The following MPPE1 variants were observed in gnomAD, a reference collection of about 807,000 sequenced individuals.
MPPE1 encodes metallophosphoesterase 1.
MPPE1 carries 28 observed loss-of-function variants against 43.8 expected under a neutral mutation model. The ratio of observed to expected loss-of-function variants is 0.64; its 90% CI spans 0.47 to 0.88. The LOEUF is 0.88. Ranked by LOEUF, MPPE1 falls within the 40% of genes least tolerant of loss-of-function variation. The probability of loss-of-function intolerance (pLI) is 0.00; values close to 1 mark genes in which losing one functional copy is unlikely to be tolerated. For missense variants in MPPE1, 428 were observed against 492.2 expected (o/e 0.87, Z 1.23); for synonymous variants, 159 against 188.5 (o/e 0.84, Z 1.28).
rs1034026178 is a variant in MPPE1, at chr18:11,889,500, A to G, written c.391-10T>C. Reference sequence around the variant, plus strand: ...CATCATCCGCCCAGGCCTGAGGGAAAAAGAATCACTGCTGAGAGCCAGAGA... The same window carrying G: ...CATCATCCGCCCAGGCCTGAGGGAAGAAGAATCACTGCTGAGAGCCAGAGA... On this transcript the variant is annotated splice_polypyrimidine_tract_variant and intron_variant, in intron 4 of 10. Coordinates refer to ENST00000588072, the MANE Select transcript of MPPE1 (RefSeq NM_023075.6). 16 of 1,599,596 alleles carry G rather than the reference A, an allele frequency of 1.0e-5. No homozygotes were observed. The highest frequency in any genetic ancestry group is 6.7e-5 in the East Asian group (3 of 44,602).
chr18:11,901,918 G>A (rs994939888), intron 2 of MPPE1, among the ~76,000 whole-genome samples: 1 of 152,298 alleles, frequency 6.6e-6, no homozygotes. Context: ...GTCAAAAGCA[G>A]CCTTGCATAT....
At chr18:11,903,394 CA>C (rs1475091255) in intron 2 of MPPE1, among the ~76,000 whole-genome samples, 2 of 152,098 alleles carry the variant, frequency 1.3e-5, no homozygotes, top group Non-Finnish European at 2.9e-5. Context: ...GCTCACCTCC[CA>C]AGCTTAAGAA....
At chr18:11,903,756 A>G (rs1265260681) in intron 2 of MPPE1, among the ~76,000 whole-genome samples, 2 of 152,212 alleles carry the variant, frequency 1.3e-5, no homozygotes, top group Non-Finnish European at 2.9e-5. Context: ...CAGTGAACCG[A>G]GATCGCGCCA....
chr18:11,885,762 AG>A lies in MPPE1; in HGVS notation c.921del (p.Cys308AlafsTer51). The stretch of plus-strand genomic sequence containing the variant: ...ACTCGGCCCCCGTGGTGCACCTCGC[AG>A]GCGCTGTGCGTGTGGCCACTGAGAA... ...RLVLSGHTHS[A>X]CEVHHGGRVP... is the part of the protein sequence containing the mutation. On this transcript the variant is annotated frameshift_variant, in exon 10 of 11. Transcript: ENST00000588072. LOFTEE classifies it high-confidence loss of function. 1 of 1,613,864 alleles carries A rather than the reference AG, an allele frequency of 6.2e-7. No individual in the cohort carries two copies. Among genetic ancestry groups the A allele is most frequent in the South Asian group, 1.1e-5 (1 of 91,066 alleles).
rs754090349 is a variant in MPPE1 at position 11,885,747 on chromosome 18, C to CG, written c.936dup (p.Gly313ArgfsTer26). Reference sequence around the variant, plus strand: ...ACGCTGAGCTCGGGGACTCGGCCCCCGTGGTGCACCTCGCAGGCGCTGTGC... The same window carrying CG: ...ACGCTGAGCTCGGGGACTCGGCCCCCGGTGGTGCACCTCGCAGGCGCTGTGC... On this transcript the variant is annotated frameshift_variant, in exon 10 of 11. Coordinates refer to ENST00000588072, the MANE Select transcript of MPPE1 (RefSeq NM_023075.6). LOFTEE classifies it high-confidence loss of function. The CG allele has an allele frequency of 7.9e-5, 128 of 1,613,958 alleles. No homozygotes were observed. Among genetic ancestry groups the CG allele is most frequent in the Admixed American group, 5.8e-4 (35 of 59,998 alleles).
chr18:11,889,237 C>A, intron 5 of MPPE1, 150 bp downstream of exon 5: 1 of 541,614 alleles, frequency 1.8e-6, no homozygotes, highest in Non-Finnish European at 3.3e-6. Flanking sequence ...AGTAAAAACC[C>A]CTTAAAGAGT....
rs1158066652 is a variant in MPPE1 at position 11,886,273 on chromosome 18, T to G, written c.867+226A>C. On this transcript the variant is annotated intron_variant, in intron 9 of 10. Coordinates refer to ENST00000588072, the MANE Select transcript of MPPE1 (RefSeq NM_023075.6). The surrounding 1 kb of genome is among the most constrained non-coding windows in gnomAD (Gnocchi z 4.1). Reference sequence around the variant, plus strand: ...AAGAATAGCTGAGACTATTACTGACTTGAGGGTAGGAAACAGAAGTAGGTT... The same window carrying G: ...AAGAATAGCTGAGACTATTACTGACGTGAGGGTAGGAAACAGAAGTAGGTT... 3.5e-6 allele frequency: 2 copies of G among 571,296 alleles called. No individual in the cohort carries two copies. The highest frequency in any genetic ancestry group is 6.3e-5 in the East Asian group (2 of 31,988). The allele number at this position is 571,296 out of a possible 1,614,324, so 35.4% of individuals were successfully genotyped here.
Position 11,886,353 on chromosome 18 carries a change from G to T in MPPE1, c.867+146C>A. 9.1e-7 allele frequency: 1 copy of T among 1,100,718 alleles called. No individual in the cohort carries two copies. Among genetic ancestry groups the T allele is most frequent in the Non-Finnish European group, 1.3e-6 (1 of 751,170 alleles). 68.2% of individuals were successfully genotyped at this position (1,100,718 alleles called of 1,614,324 possible). A position where few individuals can be genotyped will look rare whatever the true frequency, so the allele number is the denominator to read the frequency against. ...AAATCTGAGATACTGTGAAAGCCAG[G>T]CCTCCACCCCTGTCCCCCCAGGTGA... On this transcript the variant is annotated intron_variant, in intron 9 of 10. Transcript: ENST00000588072. This position sits in a 1 kb window ranked among gnomAD's most constrained non-coding sequence, Gnocchi z 4.1.
Position 11,883,371 on chromosome 18 carries a change from T to C in MPPE1, c.*1074A>G, listed in dbSNP as rs2036766004. 1 of 153,284 alleles carries C rather than the reference T, an allele frequency of 6.5e-6. No homozygotes were observed. The allele number at this position is 153,284 out of a possible 1,614,324, so 9.5% of individuals were successfully genotyped here. On this transcript the variant is annotated 3_prime_UTR_variant, in exon 11 of 11. Transcript: ENST00000588072. ...CAAGAAAGGGAAGTATGCTGTTGTATGCATCATTACTCAACAATTACCCTC... is the reference window on the plus strand; with the variant it reads ...CAAGAAAGGGAAGTATGCTGTTGTACGCATCATTACTCAACAATTACCCTC...
At position 11,897,046 on chromosome 18, in the gene MPPE1, C is replaced by T. The variant is rs1426186612; in HGVS notation, c.219G>A (p.Met73Ile). 1 of 1,540,610 alleles carries T rather than the reference C, an allele frequency of 6.5e-7. No individual in the cohort carries two copies. Residue 73 changes from methionine (M) to isoleucine (I), a missense_variant, in exon 3 of 11, where the codon ATG becomes ATA. Physicochemically the swap from Met to Ile is conservative, Grantham distance 10. Transcript: ENST00000588072. Reference sequence around the variant, plus strand: ...CAAGCAAATGGGTGTCAGCCAAAAACATGGCTTTGAGCACAGGCTCACGTG... The same window carrying T: ...CAAGCAAATGGGTGTCAGCCAAAAATATGGCTTTGAGCACAGGCTCACGTG... Reference protein sequence around the residue: ...QTTREPVLKAMFLADTHLLGE... With the variant: ...QTTREPVLKAIFLADTHLLGE...
chr18:11,884,910 C>T, intron 10 of MPPE1: 1 of 1,293,794 alleles, frequency 7.7e-7, no homozygotes. Flanking sequence ...TCACTGGGTT[C>T]CCATCAAATA....
intron 6 of MPPE1, among the ~76,000 whole-genome samples, 192 bp from the exon 7 acceptor site, chr18:11,887,217 TTCTG>T (rs959482274): frequency 7.9e-5 from 12 of 152,074 alleles, no homozygotes; most frequent in African/African-American, 9.7e-5. Context: ...TTACTGGGAG[TTCTG>T]TCTAAGACAC....
chr18:11,886,330 ATCTGAGATACTGTGAAAGCCAGGCC>A lies in MPPE1; in HGVS notation c.867+144_867+168del. The A allele has an allele frequency of 1.1e-6, 1 of 887,100 alleles. No individual in the cohort carries two copies. Among genetic ancestry groups the A allele is most frequent in the Non-Finnish European group, 1.8e-6 (1 of 568,086 alleles). The allele number at this position is 887,100 out of a possible 1,614,324, so 55.0% of individuals were successfully genotyped here. On this transcript the variant is annotated intron_variant, in intron 9 of 10. Coordinates refer to ENST00000588072, the MANE Select transcript of MPPE1 (RefSeq NM_023075.6). The surrounding 1 kb of genome is among the most constrained non-coding windows in gnomAD (Gnocchi z 4.1). Reference sequence around the variant, plus strand: ...AAAAAAAAAAAGCGATTAAATGAAAATCTGAGATACTGTGAAAGCCAGGCCTCCACCCCTGTCCCCCCAGGTGATA... The same window carrying A: ...AAAAAAAAAAAGCGATTAAATGAAAATCCACCCCTGTCCCCCCAGGTGATA...
At position 11,884,349 on chromosome 18, in the gene MPPE1, G is replaced by A. The variant is rs370108488; in HGVS notation, c.*96C>T. ...GAATTTCTGTGCTGTGCAGAGAGAC[G>A]GCCTGTAATTGGTCTCATCATCCAC... On this transcript the variant is annotated 3_prime_UTR_variant, in exon 11 of 11. Transcript: ENST00000588072. 2.3e-5 allele frequency: 26 copies of A among 1,141,102 alleles called. 1 individual carries two copies. The highest frequency in any genetic ancestry group is 2.8e-4 in the Middle Eastern group (1 of 3,554). 70.7% of individuals were successfully genotyped at this position (1,141,102 alleles called of 1,614,324 possible).
intron 1 of MPPE1, 95 bp downstream of exon 1, chr18:11,908,106 T>C (rs1488479001): frequency 1.3e-5 from 2 of 152,272 alleles, no homozygotes; most frequent in East Asian, 3.9e-4. Flanking sequence ...ATTTGCAGAA[T>C]GCTGTTTTTC....
chr18:11,892,071 G>A (rs534382483), intron 4 of MPPE1, among the ~76,000 whole-genome samples: 10 of 152,226 alleles, frequency 6.6e-5, no homozygotes, highest in African/African-American at 1.9e-4. Context: ...CTGGCGCAGC[G>A]GCTCACGCCT....
intron 2 of MPPE1, among the ~76,000 whole-genome samples, chr18:11,899,656 A>G (rs1006553260): frequency 6.6e-6 from 1 of 152,176 alleles, no homozygotes; most frequent in Non-Finnish European, 1.5e-5. Flanking sequence ...CTTCCCAGGG[A>G]GGGTATAGGG....
intron 2 of MPPE1, among the ~76,000 whole-genome samples, chr18:11,899,158 A>G (rs1044612810): frequency 6.6e-6 from 1 of 151,358 alleles, no homozygotes; most frequent in Admixed American, 6.6e-5. Context: ...CAAGTGATTC[A>G]CCCGCCTCAG....
chr18:11,886,311 A>C lies in MPPE1; in HGVS notation c.867+188T>G, dbSNP rs1292675105. 1.3e-5 allele frequency: 10 copies of C among 759,338 alleles called. No individual in the cohort carries two copies. The highest frequency in any genetic ancestry group is 2.1e-5 in the Non-Finnish European group (10 of 466,190). The allele number at this position is 759,338 out of a possible 1,614,324, so 47.0% of individuals were successfully genotyped here. On this transcript the variant is annotated intron_variant, in intron 9 of 10. Coordinates refer to ENST00000588072, the MANE Select transcript of MPPE1 (RefSeq NM_023075.6). The surrounding 1 kb of genome is among the most constrained non-coding windows in gnomAD (Gnocchi z 4.1). ...ACAGAAGTAGGTTTACTGGAAAAAA[A>C]AAAAGCGATTAAATGAAAATCTGAG...
Sources: allele counts gnomAD v4.1 joint callset (sites outside exome capture counted in the v4.1 genomes callset), GRCh38; gene constraint gnomAD v4.1.1; non-coding constraint Gnocchi (gnomAD v3.1); transcripts MANE v1.5; gene names NCBI Gene and HGNC (gene_info 2026-07-23, HGNC 2026-07-21).